Variants in GRTP1 observed in about 807,000 individuals in gnomAD.
GRTP1 encodes the protein growth hormone-regulated TBC protein 1.
Under a neutral mutation model 38.1 loss-of-function variants are expected in GRTP1, and 56 were observed. The observed-to-expected ratio is 1.47, with a 90% CI of 1.19 to 1.84. The LOEUF is 1.84. GRTP1 is among the 40% of genes most tolerant of loss of function. GRTP1 has a pLI of 0.00. For missense variants in GRTP1, 506 were observed against 453.9 expected (o/e 1.11, Z -1.04); for synonymous variants, 217 against 189.5 (o/e 1.14, Z -1.19).
chr13:113,330,257 G>T (rs2042841974), intron 5 of GRTP1, among the ~76,000 whole-genome samples: 1 of 143,508 alleles, frequency 7.0e-6, no homozygotes, highest in African/African-American at 2.7e-5. Flanking sequence ...GGAAACCCAG[G>T]TGTGTGCATG....
Position 113,342,491 on chromosome 13 carries a change from C to T in GRTP1, c.562+2372G>A, listed in dbSNP as rs930197897. On this transcript the variant is annotated intron_variant, in intron 5 of 7. Transcript: ENST00000375431. This position sits in a 1 kb window ranked among gnomAD's most constrained non-coding sequence, Gnocchi z 4.5. ...CTGCACTCCAGCCTGGGCGACAGAGCGAGACTCAGTCTCAAAAAAAAAAAA... is the reference window on the plus strand; with the variant it reads ...CTGCACTCCAGCCTGGGCGACAGAGTGAGACTCAGTCTCAAAAAAAAAAAA... Among the ~76,000 whole-genome samples, 6 of 151,132 alleles carry T rather than the reference C, an allele frequency of 4.0e-5. No homozygotes were observed. Among genetic ancestry groups the T allele is most frequent in the African/African-American group, 1.2e-4 (5 of 41,030 alleles).
In GRTP1 at chr13:113,344,931, A is replaced by G. The variant is rs377390569; in HGVS notation, c.494T>C (p.Ile165Thr). ...QGMNFIAGYL[I>T]LITNNEEESF... ...TTCTTCTTCATTATTTGTTATAAGA[A>G]TCAGATATCCTGCTATAAAATTCAT... Residue 165 changes from isoleucine to threonine, a missense_variant, in exon 5 of 8, where the codon ATT (isoleucine) becomes ACT (threonine). Transcript: ENST00000375431. 3.9e-5 allele frequency: 62 copies of G among 1,600,510 alleles called. No individual in the cohort carries two copies. Among genetic ancestry groups the G allele is most frequent in the Non-Finnish European group, 4.3e-5 (50 of 1,175,026 alleles).
chr13:113,358,826 A>G (rs1050379291), intron 2 of GRTP1, among the ~76,000 whole-genome samples: 2 of 152,218 alleles, frequency 1.3e-5, no homozygotes, highest in African/African-American at 4.8e-5. Context: ...GGAATGCAAA[A>G]TTTACAGCCA....
chr13:113,327,208 G>A (rs1324503587), intron 5 of GRTP1, among the ~76,000 whole-genome samples: 6 of 151,962 alleles, frequency 3.9e-5, no homozygotes, highest in East Asian at 3.9e-4. Flanking sequence ...ACGGAGTCTC[G>A]CTCTGTCACC....
chr13:113,331,142 A>T (rs2042864940), intron 5 of GRTP1, among the ~76,000 whole-genome samples: 2 of 152,104 alleles, frequency 1.3e-5, no homozygotes, highest in Admixed American at 1.3e-4. Context: ...AGGTGTGTGC[A>T]TGGGAACCCG....
At chr13:113,332,720 G>A (rs2042895017) in intron 5 of GRTP1, among the ~76,000 whole-genome samples, 1 of 152,368 alleles carries the variant, frequency 6.6e-6, no homozygotes, top group South Asian at 2.1e-4. Flanking sequence ...CATTACGCCA[G>A]AGTTTCCTGG....
intron 2 of GRTP1, among the ~76,000 whole-genome samples, chr13:113,356,536 G>A (rs1198854089): frequency 2.0e-5 from 3 of 152,124 alleles, no homozygotes; most frequent in African/African-American, 7.2e-5. Context: ...AAAGTGCTGG[G>A]ATTACAGGCG....
rs181206594 is a variant in GRTP1, at chr13:113,345,808, C to T, written c.466-849G>A. 3.3e-5 allele frequency among the ~76,000 whole-genome samples: 5 copies of T among 152,336 alleles called. No homozygotes were observed. The East Asian group carries it at 9.6e-4, about 29-fold the overall frequency. The stretch of plus-strand genomic sequence containing the variant: ...CTTACACGTCCCTTGGCCTGGACCT[C>T]CCCTTAAAAACAGACCCTAAGAGTT... On this transcript the variant is annotated intron_variant, in intron 4 of 7. Transcript: ENST00000375431.
intron 3 of GRTP1, among the ~76,000 whole-genome samples, chr13:113,352,358 T>TATTATATATATATATA (rs1566438036): frequency 1.0e-4 from 2 of 19,048 alleles, no homozygotes; most frequent in African/African-American, 1.9e-4. Flanking sequence ...TTTATATATA[T>TATTATATATATATATA]TTTATATATA....
intron 5 of GRTP1, chr13:113,339,437 C>T (rs759951162): frequency 1.3e-4 from 20 of 152,310 alleles, no homozygotes; most frequent in Admixed American, 5.9e-4. Context: ...CCACATGACA[C>T]GACTGTTCTG....
chr13:113,330,270 A>G (rs1303158923), intron 5 of GRTP1, among the ~76,000 whole-genome samples: 1 of 140,784 alleles, frequency 7.1e-6, no homozygotes, highest in Non-Finnish European at 1.5e-5. Context: ...TGTGCATGGG[A>G]GCCCAGGTGT....
At chr13:113,329,761 T>C (rs186871876) in intron 5 of GRTP1, among the ~76,000 whole-genome samples, 13 of 152,314 alleles carry the variant, frequency 8.5e-5, no homozygotes, top group African/African-American at 2.4e-4. Context: ...AAAAATACCA[T>C]TTGTGGGGCT....
At chr13:113,355,200 A>AAGG (rs1429541633) in intron 3 of GRTP1, 123 bp downstream of exon 3, 1 of 907,176 alleles carries the variant, frequency 1.1e-6, no homozygotes, top group East Asian at 2.5e-5. Flanking sequence ...AGGAAGACGT[A>AAGG]ACTTCAAGTT....
intron 4 of GRTP1, among the ~76,000 whole-genome samples, chr13:113,350,521 C>T (rs1595503344): frequency 1.3e-5 from 2 of 149,884 alleles, no homozygotes; most frequent in Middle Eastern, 6.9e-3. Flanking sequence ...GCATACACAC[C>T]CCACAGCACA....
At chr13:113,329,756 TA>T (rs991253411) in intron 5 of GRTP1, among the ~76,000 whole-genome samples, 18 of 152,314 alleles carry the variant, frequency 1.2e-4, no homozygotes, top group African/African-American at 4.1e-4. Flanking sequence ...GCACCAAAAA[TA>T]CCATTTGTGG....
rs752240626 is a variant in GRTP1 at position 113,355,316 on chromosome 13, G to A, written c.340+7C>T. 9.9e-6 allele frequency: 16 copies of A among 1,613,274 alleles called. No individual in the cohort carries two copies. Among genetic ancestry groups the A allele is most frequent in the African/African-American group, 1.3e-5 (1 of 74,892 alleles). On this transcript the variant is annotated splice_region_variant and intron_variant, in intron 3 of 7. Coordinates refer to ENST00000375431, the MANE Select transcript of GRTP1 (RefSeq NM_024719.4). ...CCTGCACCAGAGCTCGACCCCCACCGCCTCACCTGTCCTGATGGCGTCCTC... is the reference window on the plus strand; with the variant it reads ...CCTGCACCAGAGCTCGACCCCCACCACCTCACCTGTCCTGATGGCGTCCTC...
intron 4 of GRTP1, among the ~76,000 whole-genome samples, chr13:113,350,552 C>T (rs540920172): frequency 1.3e-5 from 2 of 151,182 alleles, no homozygotes; most frequent in East Asian, 1.9e-4. Flanking sequence ...AGCACACACA[C>T]CCCACAGCAC....
chr13:113,363,974 G>GCGGGGACCGCAGCCGC, intron 1 of GRTP1, 46 bp downstream of exon 1: 1 of 1,543,186 alleles, frequency 6.5e-7, no homozygotes, highest in Non-Finnish European at 8.7e-7. Flanking sequence ...GCGGGCCCGC[G>GCGGGGACCGCAGCCGC]CGGGGACCGC....
intron 3 of GRTP1, 198 bp downstream of exon 3, chr13:113,355,125 T>C: frequency 1.8e-6 from 1 of 559,640 alleles, no homozygotes; most frequent in Non-Finnish European, 3.1e-6. Flanking sequence ...CACGTGAATA[T>C]CTGCTGAGTG....
Sources: gnomAD v4.1 joint callset for allele counts (sites outside exome capture counted in the v4.1 genomes callset) on GRCh38, gnomAD v4.1.1 for gene constraint, Gnocchi (gnomAD v3.1) non-coding constraint, MANE v1.5 for transcripts, NCBI Gene and HGNC (gene_info 2026-07-23, HGNC 2026-07-21) for gene names.